Variants in CSMD1 observed in about 807,000 individuals in gnomAD.
CSMD1 encodes CUB and Sushi multiple domains 1, also known as CUB and sushi domain-containing protein 1.
A neutral mutation model predicts 417.5 loss-of-function variants in CSMD1; 213 were observed. The ratio of observed to expected loss-of-function variants is 0.51; its 90% CI spans 0.46 to 0.57. The LOEUF (loss-of-function observed/expected upper bound fraction) is 0.57. CSMD1 is among the 20% of genes least tolerant of loss of function. CSMD1 has a pLI of 0.00. For synonymous variants in CSMD1, 2,862 were observed against 1,736.8 expected, an observed-to-expected ratio of 1.65 and a Z score of -16.11; for missense variants, 6,923 against 4,529.7, an observed-to-expected ratio of 1.53 and a Z score of -15.17.
rs902094720 is a variant in CSMD1, at chr8:4,748,557, C to T, written c.86-110999G>A. Among the ~76,000 whole-genome samples, 11 of 152,226 alleles carry T rather than the reference C, an allele frequency of 7.2e-5. 1 individual carries two copies. The highest frequency in any genetic ancestry group is 3.3e-4 in the Admixed American group (5 of 15,286). ...ACGGTATTTATCAAAGAACAGACAT[C>T]AGGATTATTGGGTTCAGCATTCTGA... On this transcript the variant is annotated intron_variant, in intron 1 of 69. Transcript: ENST00000635120.
intron 1 of CSMD1, among the ~76,000 whole-genome samples, chr8:4,891,198 T>C (rs765505776): frequency 2.0e-5 from 3 of 152,112 alleles, no homozygotes; most frequent in Non-Finnish European, 4.4e-5. Context: ...GTGAAACATG[T>C]GACAGTCACA....
At chr8:4,356,581 T>G (rs1029118284) in intron 3 of CSMD1, among the ~76,000 whole-genome samples, 2 of 152,190 alleles carry the variant, frequency 1.3e-5, no homozygotes, top group African/African-American at 2.4e-5. Flanking sequence ...TTCAGTCCAT[T>G]TTTACCTCTA....
chr8:4,679,606 C>T (rs1433955535), intron 1 of CSMD1, among the ~76,000 whole-genome samples: 2 of 152,058 alleles, frequency 1.3e-5, no homozygotes, highest in African/African-American at 4.8e-5. Flanking sequence ...TAATCATCGT[C>T]CTTCTTTAAT....
At chr8:3,853,118 G>T (rs539653245) in intron 5 of CSMD1, among the ~76,000 whole-genome samples, 1 of 152,150 alleles carries the variant, frequency 6.6e-6, no homozygotes, top group African/African-American at 2.4e-5. Flanking sequence ...TCCAAAAGCA[G>T]CAGTGGCAGC....
At chr8:4,008,115 T>C (rs1256329330) in intron 4 of CSMD1, among the ~76,000 whole-genome samples, 1 of 152,206 alleles carries the variant, frequency 6.6e-6, no homozygotes, top group Non-Finnish European at 1.5e-5. Context: ...CTGCATGAAA[T>C]AAAGTCAAGG....
At position 3,308,294 on chromosome 8, in the gene CSMD1, G is replaced by C. The variant is rs1016101533; in HGVS notation, c.3823+18C>G. The C allele has an allele frequency of 1.1e-5, 18 of 1,587,518 alleles. No homozygotes were observed. The highest frequency in any genetic ancestry group is 5.4e-5 in the African/African-American group (4 of 74,492). On this transcript the variant is annotated intron_variant, in intron 24 of 69. Transcript: ENST00000635120. ...AGGCCTGGCTTTTGCACAATGGTATGACTGCTTCCACACTCACCTATGCAC... is the reference window on the plus strand; with the variant it reads ...AGGCCTGGCTTTTGCACAATGGTATCACTGCTTCCACACTCACCTATGCAC...
chr8:4,618,970 G>A (rs1377040753), intron 2 of CSMD1, among the ~76,000 whole-genome samples: 1 of 152,110 alleles, frequency 6.6e-6, no homozygotes, highest in East Asian at 1.9e-4. Context: ...AAACATAACA[G>A]AAGCTTCAGT....
intron 21 of CSMD1, among the ~76,000 whole-genome samples, chr8:3,357,959 T>G (rs1808902521): frequency 1.3e-5 from 2 of 152,218 alleles, no homozygotes; most frequent in Non-Finnish European, 2.9e-5. Context: ...AAATTCTGAC[T>G]GTGTATCTCT....
At chr8:3,211,578 T>C (rs1412125247) in intron 30 of CSMD1, among the ~76,000 whole-genome samples, 1 of 152,204 alleles carries the variant, frequency 6.6e-6, no homozygotes, top group East Asian at 1.9e-4. Context: ...TGGGGAGCCT[T>C]ATGCCTGTGG....
intron 1 of CSMD1, among the ~76,000 whole-genome samples, chr8:4,652,641 ACT>A (rs1347089335): frequency 2.0e-5 from 3 of 151,116 alleles, no homozygotes; most frequent in Non-Finnish European, 2.9e-5. Flanking sequence ...ACAGAGAGAG[ACT>A]CTGTCTCAAA....
intron 7 of CSMD1, among the ~76,000 whole-genome samples, chr8:3,658,029 C>T (rs987961972): frequency 3.9e-5 from 6 of 152,106 alleles, no homozygotes; most frequent in African/African-American, 1.4e-4. Context: ...CTGGATTTCT[C>T]GTCTTGAAAT....
chr8:3,068,145 A>T (rs1813071419), intron 49 of CSMD1, among the ~76,000 whole-genome samples: 1 of 152,210 alleles, frequency 6.6e-6, no homozygotes, highest in Non-Finnish European at 1.5e-5. Flanking sequence ...ACAGAGGTTC[A>T]AACACTGTCT....
chr8:3,739,508 A>G (rs1452674150), intron 6 of CSMD1, among the ~76,000 whole-genome samples: 1 of 152,214 alleles, frequency 6.6e-6, no homozygotes, highest in African/African-American at 2.4e-5. Flanking sequence ...ATCTCTCTGT[A>G]TTCCACAAAT....
At chr8:4,032,773 T>G (rs1797414429) in intron 3 of CSMD1, among the ~76,000 whole-genome samples, 1 of 152,198 alleles carries the variant, frequency 6.6e-6, no homozygotes, top group African/African-American at 2.4e-5. Flanking sequence ...CTGAATTCAC[T>G]TTCATTTTGT....
intron 21 of CSMD1, among the ~76,000 whole-genome samples, chr8:3,354,807 C>CTA (rs202175692): frequency 0.014 from 1,378 of 98,388 alleles, 12 homozygotes; most frequent in Non-Finnish European, 0.021. Flanking sequence ...AACTCTCTCT[C>CTA]TCTCTATATA....
At chr8:4,816,205 G>T (rs764141165) in intron 1 of CSMD1, among the ~76,000 whole-genome samples, 12 of 151,280 alleles carry the variant, frequency 7.9e-5, no homozygotes, top group East Asian at 1.9e-4. Flanking sequence ...TTTTTTTTGG[G>T]ACAGAGTCTC....
chr8:2,974,524 C>T lies in CSMD1; in HGVS notation c.8667G>A (p.Glu2889=), dbSNP rs559554202. ...CTCTCGTGTCGTTGCCTATGAGGCT[C>T]TCGCTCCCTCTGCAGGAGTAGTGCA... The part of the protein sequence containing the change: ...AVVHYSCRGS[E]SLIGNDTRVC... The change falls in exon 56 of 70, where the codon GAG becomes GAA. Residue 2889 remains glutamate, a synonymous_variant. Coordinates refer to ENST00000635120, the MANE Select transcript of CSMD1 (RefSeq NM_033225.6). 6.2e-7 allele frequency: 1 copy of T among 1,613,656 alleles called. No individual in the cohort carries two copies. Among genetic ancestry groups the T allele is most frequent in the South Asian group, 1.1e-5 (1 of 90,958 alleles).
intron 25 of CSMD1, among the ~76,000 whole-genome samples, chr8:3,300,732 A>C (rs1033932637): frequency 2.0e-5 from 3 of 152,040 alleles, no homozygotes; most frequent in Non-Finnish European, 4.4e-5. Context: ...CGAGGCGGGC[A>C]GATCATTGGA....
At chr8:3,807,862 G>T (rs973756487) in intron 5 of CSMD1, among the ~76,000 whole-genome samples, 1 of 152,046 alleles carries the variant, frequency 6.6e-6, no homozygotes, top group African/African-American at 2.4e-5. Flanking sequence ...GCTCCCTTGG[G>T]GTAATGCTAA....
Sources: gnomAD v4.1 joint callset for allele counts (sites outside exome capture counted in the v4.1 genomes callset) on GRCh38, gnomAD v4.1.1 for gene constraint, MANE v1.5 for transcripts, NCBI Gene and HGNC (gene_info 2026-07-23, HGNC 2026-07-21) for gene names.